Variants in ABCA13 observed in about 807,000 individuals in gnomAD.
ABCA13 encodes the protein ATP-binding cassette sub-family A member 13.
In ABCA13, 476 loss-of-function variants were observed where a neutral mutation model predicts 478.7. The ratio of observed to expected loss-of-function variants is 0.99; its 90% confidence interval spans 0.92 to 1.07. ABCA13 has a LOEUF of 1.07. ABCA13 is among the 50% of genes least tolerant of loss of function. The pLI, the probability that ABCA13 is intolerant of heterozygous loss-of-function variation, is 0.00. For synonymous variants in ABCA13, 2,252 were observed against 2,158.9 expected, an observed-to-expected ratio of 1.04 and a Z score of -1.20; for missense variants, 6,060 against 5,910.6, an observed-to-expected ratio of 1.03 and a Z score of -0.83.
intron 27 of ABCA13, among the ~76,000 whole-genome samples, chr7:48,331,256 G>T (rs1342153910): frequency 6.6e-6 from 1 of 152,158 alleles, no homozygotes; most frequent in South Asian, 2.1e-4. Flanking sequence ...TTAGTAGGTG[G>T]TGTATAAATG....
chr7:48,408,420 A>C (rs745466731), intron 39 of ABCA13, among the ~76,000 whole-genome samples: 5 of 152,228 alleles, frequency 3.3e-5, no homozygotes, highest in Non-Finnish European at 7.3e-5. Flanking sequence ...TCAGGGATTA[A>C]GCAAATTTTC....
At chr7:48,613,115 GT>G (rs1366445633) in intron 58 of ABCA13, among the ~76,000 whole-genome samples, 1 of 151,212 alleles carries the variant, frequency 6.6e-6, no homozygotes, top group African/African-American at 2.4e-5. Context: ...TTATTATTTT[GT>G]TTTAAACTAA....
intron 54 of ABCA13, among the ~76,000 whole-genome samples, chr7:48,527,023 A>G (rs1373718642): frequency 1.3e-5 from 2 of 152,190 alleles, no homozygotes; most frequent in Admixed American, 6.5e-5. Context: ...TGAAAGGTGC[A>G]TGAGTGGTAT....
chr7:48,199,712 A>G (rs538843667), intron 3 of ABCA13, among the ~76,000 whole-genome samples: 1 of 152,316 alleles, frequency 6.6e-6, no homozygotes, highest in Non-Finnish European at 1.5e-5. Flanking sequence ...GAATGTGTGG[A>G]GAAGGGAAAT....
intron 15 of ABCA13, 25 bp from the exon 16 acceptor site, chr7:48,268,955 A>T: frequency 7.9e-7 from 1 of 1,257,920 alleles, no homozygotes. Context: ...TTTATAATTA[A>T]TGTAGAAAAT....
intron 59 of ABCA13, among the ~76,000 whole-genome samples, chr7:48,630,996 T>A (rs988240173): frequency 2.0e-5 from 3 of 152,044 alleles, no homozygotes; most frequent in Non-Finnish European, 2.9e-5. Flanking sequence ...CCCATTTTTT[T>A]AATGGGGTTA....
rs140070286 is a variant in ABCA13, at chr7:48,284,594, A to G, written c.8836+3142A>G. Among the ~76,000 whole-genome samples, 389 of 152,354 alleles carry G rather than the reference A, an allele frequency of 2.6e-3. 4 individuals are homozygous for G. Among genetic ancestry groups the G allele is most frequent in the African/African-American group, 9.0e-3 (374 of 41,572 alleles). On this transcript the variant is annotated intron_variant, in intron 19 of 61. Coordinates refer to ENST00000435803, the MANE Select transcript of ABCA13 (RefSeq NM_152701.5). ...TATCTGGACATTTCACAGTCAGCTA[A>G]TATAATGGTTTTTAAATGAATTAAA...
intron 41 of ABCA13, among the ~76,000 whole-genome samples, chr7:48,423,360 C>T (rs1428364714): frequency 6.6e-6 from 1 of 152,196 alleles, no homozygotes; most frequent in Non-Finnish European, 1.5e-5. Flanking sequence ...TTCCATTGTC[C>T]TTGTCTTACA....
intron 44 of ABCA13, 66 bp downstream of exon 44, chr7:48,467,111 C>G (rs1165694121): frequency 7.0e-7 from 1 of 1,427,486 alleles, no homozygotes; most frequent in African/African-American, 1.4e-5. Flanking sequence ...CCTGGGAGGA[C>G]TGTTTTTCTT....
At chr7:48,533,432 G>A (rs1833369660) in intron 55 of ABCA13, among the ~76,000 whole-genome samples, 1 of 152,010 alleles carries the variant, frequency 6.6e-6, no homozygotes. Context: ...GTCTATCTTG[G>A]AGAATGTTCC....
At chr7:48,179,978 C>G (rs1795445810) in intron 1 of ABCA13, among the ~76,000 whole-genome samples, 1 of 152,160 alleles carries the variant, frequency 6.6e-6, no homozygotes, top group Admixed American at 6.5e-5. Flanking sequence ...GGGTGGGTAA[C>G]TCGCACAGGC....
At chr7:48,221,219 A>AT in intron 4 of ABCA13, 62 bp from the exon 5 acceptor site, 1 of 858,848 alleles carries the variant, frequency 1.2e-6, no homozygotes, top group Non-Finnish European at 1.9e-6. Flanking sequence ...AAAAGTAGGC[A>AT]TTTAGCATGT....
chr7:48,562,284 C>CT (rs1786549344), intron 55 of ABCA13, among the ~76,000 whole-genome samples: 1 of 149,608 alleles, frequency 6.7e-6, no homozygotes, highest in Admixed American at 6.7e-5. Context: ...TATTATACTG[C>CT]TTTTTTGTGG....
chr7:48,515,565 A>T (rs778865007), intron 51 of ABCA13, among the ~76,000 whole-genome samples: 1 of 152,204 alleles, frequency 6.6e-6, no homozygotes, highest in African/African-American at 2.4e-5. Context: ...TTGGGGCCAC[A>T]TGGAAATGAA....
chr7:48,273,131 T>C lies in ABCA13; in HGVS notation c.3465T>C (p.Thr1155=). 1 of 1,613,790 alleles carries C rather than the reference T, an allele frequency of 6.2e-7. No homozygotes were observed. Among genetic ancestry groups the C allele is most frequent in the East Asian group, 2.2e-5 (1 of 44,862 alleles). Residue 1155 remains threonine, a synonymous_variant, in exon 17 of 62, where the codon ACT becomes ACC. Coordinates refer to ENST00000435803, the MANE Select transcript of ABCA13 (RefSeq NM_152701.5). ...HCTVSWLQMW[T]EIWETISQLF... ...CCGTTTCATGGCTTCAAATGTGGAC[T>C]GAAATCTGGGAAACCATATCTCAAT...
Position 48,275,009 on chromosome 7 carries a change from A to G in ABCA13, c.5343A>G (p.Ile1781Met), listed in dbSNP as rs1329599287. ...DVYSFTLLHGITISNITKEDF... is the reference protein window; with the variant it reads ...DVYSFTLLHGMTISNITKEDF... ...ACAGCTTCACACTCCTTCATGGCAT[A>G]ACCATTTCAAATATCACCAAGGAAG... The change falls in exon 17 of 62, where the codon ATA (isoleucine) becomes ATG (methionine). Residue 1781 changes from isoleucine to methionine, a missense_variant. Transcript: ENST00000435803. The G allele has an allele frequency of 6.2e-7, 1 of 1,613,836 alleles. No homozygotes were observed. The highest frequency in any genetic ancestry group is 1.3e-5 in the African/African-American group (1 of 74,924).
intron 35 of ABCA13, among the ~76,000 whole-genome samples, chr7:48,378,386 T>C (rs1813823918): frequency 6.6e-6 from 1 of 151,980 alleles, no homozygotes; most frequent in Admixed American, 6.6e-5. Flanking sequence ...CAGAGGAAAT[T>C]AAAAAAAATT....
chr7:48,279,795 G>A lies in ABCA13; in HGVS notation c.8601G>A (p.Glu2867=), dbSNP rs759866558. ...TGKNVTSEKE[E]RTKKEMIDFP... ...AGAATGTCACATCAGAAAAAGAAGA[G>A]AGAACCAAGAAAGAGATGATTGACT... is the stretch of plus-strand genomic sequence containing the variant. The change falls in exon 18 of 62, where the codon GAG becomes GAA. Residue 2867 remains glutamate, a synonymous_variant. Coordinates refer to ENST00000435803, the MANE Select transcript of ABCA13 (RefSeq NM_152701.5). 3.1e-6 allele frequency: 5 copies of A among 1,604,382 alleles called. No homozygotes were observed. Among genetic ancestry groups the A allele is most frequent in the Non-Finnish European group, 4.2e-6 (5 of 1,177,424 alleles).
chr7:48,410,093 C>CAAAAAA (rs58724216), intron 39 of ABCA13, among the ~76,000 whole-genome samples: 3 of 67,172 alleles, frequency 4.5e-5, no homozygotes, highest in African/African-American at 1.1e-4. Flanking sequence ...GACTCCATCT[C>CAAAAAA]AAAAAAAAAA....
Sources: gnomAD v4.1 joint callset for allele counts (sites outside exome capture counted in the v4.1 genomes callset) on GRCh38, gnomAD v4.1.1 for gene constraint, MANE v1.5 for transcripts, NCBI Gene and HGNC (gene_info 2026-07-23, HGNC 2026-07-21) for gene names.